The following ECPAS variants were observed in gnomAD, a reference collection of about 807,000 sequenced individuals.
The protein encoded by ECPAS is proteasome adapter and scaffold protein ECM29.
Under a neutral mutation model 255.1 loss-of-function variants are expected in ECPAS, and 70 were observed. That is an observed-to-expected ratio of 0.27 (90% CI 0.23 to 0.33). ECPAS has a LOEUF of 0.33. ECPAS is among the 10% of genes least tolerant of loss of function. The pLI is 1.00. For missense variants in ECPAS, 1,817 were observed against 2,206.4 expected (o/e 0.82, Z 3.54); for synonymous variants, 784 against 775.0 (o/e 1.01, Z -0.19).
intron 38 of ECPAS, among the ~76,000 whole-genome samples, chr9:111,374,247 C>T (rs769483950): frequency 6.6e-6 from 1 of 152,114 alleles, no homozygotes; most frequent in African/African-American, 2.4e-5. Context: ...TGATCTCAGA[C>T]ATTGTGAAAA....
chr9:111,454,401 G>GCATA (rs2098264303), intron 2 of ECPAS, among the ~76,000 whole-genome samples: 4 of 152,092 alleles, frequency 2.6e-5, no homozygotes, highest in Admixed American at 1.3e-4. Flanking sequence ...TGTATGCCCA[G>GCATA]CATAGCACCT....
At chr9:111,411,874 T>C (rs2098195098) in intron 21 of ECPAS, 140 bp downstream of exon 21, 1 of 682,598 alleles carries the variant, frequency 1.5e-6, no homozygotes, top group African/African-American at 1.9e-5. Context: ...GTATCACCTA[T>C]CTCATTTACT....
chr9:111,409,892 C>T, intron 23 of ECPAS, 149 bp downstream of exon 23: 1 of 640,546 alleles, frequency 1.6e-6, no homozygotes, highest in South Asian at 2.1e-5. Flanking sequence ...CAAAAGTAAA[C>T]ACTTAAGACT....
chr9:111,425,801 T>C lies in ECPAS; in HGVS notation c.1078A>G (p.Asn360Asp). The C allele has an allele frequency of 6.3e-7, 1 of 1,585,212 alleles. No individual in the cohort carries two copies. The highest frequency in any genetic ancestry group is 1.1e-5 in the South Asian group (1 of 88,810). The change falls in exon 11 of 50, where the codon AAT becomes GAT. Residue 360 changes from asparagine (N) to aspartate (D), a missense_variant. Asn to Asp is a conservative substitution (Grantham distance 23, BLOSUM62 1). Transcript: ENST00000684092. ...AATGTTCTTAACTTTGAATTTGTAT[T>C]TGTACCAAAAAGTCCATCATACACC... ...QVVYDGLFGT[N>D]TNSKLRTLSL...
intron 1 of ECPAS, among the ~76,000 whole-genome samples, chr9:111,475,455 C>A (rs2098294994): frequency 6.6e-6 from 1 of 152,158 alleles, no homozygotes; most frequent in Admixed American, 6.5e-5. Flanking sequence ...ATGTGGTGGG[C>A]CAGGTGCAGT....
intron 41 of ECPAS, 130 bp from the exon 42 acceptor site, chr9:111,372,750 G>T: frequency 1.3e-6 from 1 of 787,140 alleles, no homozygotes; most frequent in Non-Finnish European, 1.9e-6. Flanking sequence ...TTTCTAGCAG[G>T]CTGGGTTGTG....
rs1203341813 is a variant in ECPAS, at chr9:111,484,275, G to A, written c.-242C>T. ...GCCCGGGCTGCCCTAGCGGCCGGGG[G>A]AAATCCTCGAGGCGGGGCCGGAGCG... On this transcript the variant is annotated 5_prime_UTR_variant, in exon 1 of 50. Coordinates refer to ENST00000684092, the MANE Select transcript of ECPAS (RefSeq NM_001364929.1). 2.0e-6 allele frequency: 3 copies of A among 1,524,266 alleles called. No homozygotes were observed. Among genetic ancestry groups the A allele is most frequent in the Non-Finnish European group, 1.8e-6 (2 of 1,140,086 alleles). The allele number at this position is 1,524,266 out of a possible 1,614,324, so 94.4% of individuals were successfully genotyped here.
At chr9:111,471,798 C>G (rs1325878947) in intron 2 of ECPAS, among the ~76,000 whole-genome samples, 1 of 152,140 alleles carries the variant, frequency 6.6e-6, no homozygotes, top group East Asian at 1.9e-4. Context: ...TCCTTCATAC[C>G]TCTTCTCACA....
chr9:111,396,423 C>T (rs1408677530), intron 25 of ECPAS, among the ~76,000 whole-genome samples: 4 of 152,284 alleles, frequency 2.6e-5, no homozygotes, highest in Non-Finnish European at 4.4e-5. Flanking sequence ...ACAACTATAC[C>T]TTGAATTCTG....
intron 3 of ECPAS, among the ~76,000 whole-genome samples, chr9:111,445,759 G>A (rs995084574): frequency 6.6e-6 from 1 of 152,118 alleles, no homozygotes; most frequent in African/African-American, 2.4e-5. Context: ...CACGTGCCAT[G>A]TTGGTTTGCT....
chr9:111,409,118 C>A (rs1230478448), intron 23 of ECPAS, among the ~76,000 whole-genome samples: 3 of 152,260 alleles, frequency 2.0e-5, no homozygotes, highest in South Asian at 4.1e-4. Flanking sequence ...TTAGAAGATT[C>A]AATCAATGCA....
intron 2 of ECPAS, 27 bp downstream of exon 2, chr9:111,472,870 A>G (rs2098290780): frequency 2.3e-6 from 2 of 871,598 alleles, no homozygotes; most frequent in African/African-American, 1.8e-5. Context: ...AAAAATGCAC[A>G]CATCCTAAGG....
intron 7 of ECPAS, 61 bp from the exon 8 acceptor site, chr9:111,433,433 A>T: frequency 6.4e-7 from 1 of 1,570,998 alleles, no homozygotes; most frequent in Non-Finnish European, 8.7e-7. Context: ...ACCCACTGAA[A>T]GTACTGCTTA....
chr9:111,387,494 C>T (rs1203346405), intron 31 of ECPAS, among the ~76,000 whole-genome samples: 1 of 151,204 alleles, frequency 6.6e-6, no homozygotes, highest in Admixed American at 6.6e-5. Context: ...GGAACAGAGT[C>T]TCACTCATCA....
At chr9:111,391,869 C>A in intron 28 of ECPAS, 45 bp from the exon 29 acceptor site, 1 of 1,154,206 alleles carries the variant, frequency 8.7e-7, no homozygotes, top group Non-Finnish European at 1.3e-6. Context: ...CTTTTCATAC[C>A]AACATTCAAC....
chr9:111,465,249 A>G (rs2098278024), intron 2 of ECPAS, among the ~76,000 whole-genome samples: 1 of 150,934 alleles, frequency 6.6e-6, no homozygotes, highest in Non-Finnish European at 1.5e-5. Context: ...TAATAAGATT[A>G]CTCTCCAAGG....
At chr9:111,425,519 C>G in intron 11 of ECPAS, 23 bp from the exon 12 acceptor site, 1 of 1,507,864 alleles carries the variant, frequency 6.6e-7, no homozygotes. Flanking sequence ...CACACATACA[C>G]AAAGCAAGAT....
intron 12 of ECPAS, among the ~76,000 whole-genome samples, chr9:111,423,477 T>G (rs919587754): frequency 1.3e-5 from 2 of 152,118 alleles, no homozygotes; most frequent in African/African-American, 4.8e-5. Context: ...AGACAAAACC[T>G]TGCATCCCCA....
rs144630575 is a variant in ECPAS, at chr9:111,477,518, G to GAC, written c.-82-4520_-82-4519dup. ...GAAGGTTCTCTCTGGATACTAGTTAGACACACACACACACACAAAAAGCCA... is the reference window on the plus strand; with the variant it reads ...GAAGGTTCTCTCTGGATACTAGTTAGACACACACACACACACACAAAAAGCCA... On this transcript the variant is annotated intron_variant, in intron 1 of 49. Coordinates refer to ENST00000684092, the MANE Select transcript of ECPAS (RefSeq NM_001364929.1). Among the ~76,000 whole-genome samples the GAC allele has an allele frequency of 1.9e-3, 283 of 151,506 alleles. 3 individuals carry two copies. The highest frequency in any genetic ancestry group is 5.2e-3 in the African/African-American group (215 of 41,292).
Sources: allele counts gnomAD v4.1 joint callset (sites outside exome capture counted in the v4.1 genomes callset), GRCh38; gene constraint gnomAD v4.1.1; transcripts MANE v1.5; gene names NCBI Gene and HGNC (gene_info 2026-07-23, HGNC 2026-07-21).